The following GSE1 variants were observed in gnomAD, a reference collection of about 807,000 sequenced individuals.
GSE1 encodes genetic suppressor element 1.
A neutral mutation model predicts 112.6 loss-of-function variants in GSE1; 32 were observed. The ratio of observed to expected loss-of-function variants is 0.28; its 90% CI spans 0.21 to 0.38. The LOEUF is 0.38. Ranked by LOEUF, GSE1 falls within the 10% of genes least tolerant of loss-of-function variation. GSE1 has a pLI of 1.00. For synonymous variants in GSE1, 1,115 were observed against 735.6 expected, an observed-to-expected ratio of 1.52 and a Z score of -8.35; for missense variants, 2,348 against 1,699.2, an observed-to-expected ratio of 1.38 and a Z score of -6.71.
intron 2 of GSE1, among the ~76,000 whole-genome samples, chr16:85,471,793 T>G (rs1325010474): frequency 2.0e-5 from 3 of 152,128 alleles, no homozygotes; most frequent in African/African-American, 7.2e-5. Context: ...CACTGCAGCC[T>G]TGAACTCCTG....
chr16:85,429,696 C>T (rs2049074896), intron 2 of GSE1, among the ~76,000 whole-genome samples: 1 of 151,948 alleles, frequency 6.6e-6, no homozygotes, highest in Non-Finnish European at 1.5e-5. Context: ...CAGACCTGCC[C>T]CAGGGCCTTT....
At position 85,636,134 on chromosome 16, in the gene GSE1, A is replaced by G. The variant is rs111454337; in HGVS notation, c.226+2002A>G. Among the ~76,000 whole-genome samples the G allele has an allele frequency of 6.6e-3, 1,001 of 152,304 alleles. 5 individuals carry two copies. The highest frequency in any genetic ancestry group is 0.02 in the Middle Eastern group (6 of 294). On this transcript the variant is annotated intron_variant, in intron 2 of 15. Coordinates refer to ENST00000253458, the MANE Select transcript of GSE1 (RefSeq NM_014615.5). ...GTGGCCCTGCTCCCTCCCAGCTGCA[A>G]CCTGGGCACTGGGAAGGGTCCCCCA...
intron 1 of GSE1, among the ~76,000 whole-genome samples, chr16:85,633,322 G>A (rs890026762): frequency 9.9e-5 from 15 of 152,154 alleles, no homozygotes; most frequent in South Asian, 4.1e-4. Context: ...CCGGGGGTCT[G>A]CCCTGAGTGC....
intron 1 of GSE1, among the ~76,000 whole-genome samples, chr16:85,250,305 GT>G (rs1906326994): frequency 6.6e-6 from 1 of 152,256 alleles, no homozygotes; most frequent in Non-Finnish European, 1.5e-5. Flanking sequence ...GTGGCGCCCT[GT>G]TTGCGCCAGC....
chr16:85,426,189 A>AGATG (rs760161574), intron 2 of GSE1, among the ~76,000 whole-genome samples: 4,115 of 78,410 alleles, frequency 0.052, 188 homozygotes, highest in African/African-American at 0.15. Context: ...TATAGTGGAT[A>AGATG]GATGGATGGC....
chr16:85,568,837 C>T (rs59695101), intron 1 of GSE1, among the ~76,000 whole-genome samples: 19,542 of 152,196 alleles, frequency 0.13, 3,263 homozygotes, highest in African/African-American at 0.38. Context: ...CCTGGGTTCA[C>T]AGCGGTCTGT....
At chr16:85,277,829 C>T (rs1027258404) in intron 1 of GSE1, among the ~76,000 whole-genome samples, 29 of 152,354 alleles carry the variant, frequency 1.9e-4, no homozygotes, top group African/African-American at 6.7e-4. Flanking sequence ...ATGCCTGTGG[C>T]AGACCCCAGG....
intron 2 of GSE1, among the ~76,000 whole-genome samples, chr16:85,378,368 C>G (rs1235690747): frequency 2.0e-5 from 3 of 152,158 alleles, no homozygotes; most frequent in African/African-American, 7.2e-5. Context: ...CCTCTCTGTG[C>G]CAGGAGGCAG....
At chr16:85,474,012 G>T (rs1463189051) in intron 2 of GSE1, among the ~76,000 whole-genome samples, 1 of 152,182 alleles carries the variant, frequency 6.6e-6, no homozygotes, top group East Asian at 1.9e-4. Flanking sequence ...ACCAGCACAG[G>T]CGGGCAGGGT....
At chr16:85,601,568 C>G (rs2047465676) in intron 1 of GSE1, among the ~76,000 whole-genome samples, 1 of 152,126 alleles carries the variant, frequency 6.6e-6, no homozygotes, top group Non-Finnish European at 1.5e-5. Flanking sequence ...TCACCTTCAG[C>G]GCGGGGCCGG....
At chr16:85,333,323 G>T (rs2046415573) in intron 1 of GSE1, among the ~76,000 whole-genome samples, 1 of 152,106 alleles carries the variant, frequency 6.6e-6, no homozygotes, top group Non-Finnish European at 1.5e-5. Context: ...TTACTGAGAG[G>T]GCAAAATCCC....
At chr16:85,210,460 A>T (rs1458631354) in intron 1 of GSE1, among the ~76,000 whole-genome samples, 1 of 152,172 alleles carries the variant, frequency 6.6e-6, no homozygotes, top group Non-Finnish European at 1.5e-5. Flanking sequence ...GCCGGGCATG[A>T]TGCCTGTAGT....
chr16:85,513,809 G>A (rs1423801001), intron 2 of GSE1, among the ~76,000 whole-genome samples: 1 of 151,816 alleles, frequency 6.6e-6, no homozygotes, highest in Admixed American at 6.6e-5. Flanking sequence ...GCAGACCGGG[G>A]AGGGGGGGTC....
rs576429409 is a variant in GSE1, at chr16:85,385,884, G to A, written c.2464+28241G>A. On this transcript the variant is annotated intron_variant, in intron 2 of 2. Transcript: ENST00000637419. Reference sequence around the variant, plus strand: ...CTCCAGCTCCAGCTTGAGACGGGGCGTGCACAGCCCTGAACCTGGGTGTGG... The same window carrying A: ...CTCCAGCTCCAGCTTGAGACGGGGCATGCACAGCCCTGAACCTGGGTGTGG... Among the ~76,000 whole-genome samples the A allele has an allele frequency of 4.7e-4, 71 of 152,306 alleles. No homozygotes were observed. In the East Asian group the frequency reaches 8.3e-3, roughly 18 times the overall value.
chr16:85,611,870 G>A (rs1218551208), upstream of GSE1, among the ~76,000 whole-genome samples: 2 of 151,976 alleles, frequency 1.3e-5, no homozygotes, highest in East Asian at 2.0e-4. Flanking sequence ...GGAGGGGGAG[G>A]GAGGAAGGCG....
intron 1 of GSE1, among the ~76,000 whole-genome samples, chr16:85,564,020 G>A (rs909368822): frequency 6.6e-6 from 1 of 152,200 alleles, no homozygotes; most frequent in Non-Finnish European, 1.5e-5. Context: ...CAGGGCTTGC[G>A]CCAGTGGGTG....
intron 2 of GSE1, among the ~76,000 whole-genome samples, chr16:85,637,409 G>T (rs548454773): frequency 6.6e-6 from 1 of 152,332 alleles, no homozygotes; most frequent in Admixed American, 6.5e-5. Context: ...TTTCTGCTCC[G>T]TCCTGGAGTT....
At chr16:85,200,955 A>ACC (rs2143551627) in intron 1 of GSE1, among the ~76,000 whole-genome samples, 1 of 152,270 alleles carries the variant, frequency 6.6e-6, no homozygotes, top group African/African-American at 2.4e-5. Flanking sequence ...AGACGAACTG[A>ACC]CCCTGGTGGC....
intron 1 of GSE1, among the ~76,000 whole-genome samples, chr16:85,220,286 G>A (rs2075369160): frequency 1.3e-5 from 2 of 152,212 alleles, no homozygotes; most frequent in African/African-American, 2.4e-5. Flanking sequence ...GGGGGCAGGC[G>A]GGGGTCTGGT....
Sources: allele counts gnomAD v4.1 joint callset (sites outside exome capture counted in the v4.1 genomes callset), GRCh38; gene constraint gnomAD v4.1.1; transcripts MANE v1.5; gene names NCBI Gene and HGNC (gene_info 2026-07-23, HGNC 2026-07-21).